NKIRAS1: variants seen among roughly 807,000 people sequenced by gnomAD.
NKIRAS1 encodes the protein NFKB inhibitor interacting Ras like 1.
A neutral mutation model predicts 19.8 loss-of-function variants in NKIRAS1; 16 were observed. The observed-to-expected ratio is 0.81, with a 90% confidence interval of 0.55 to 1.23. NKIRAS1 has a LOEUF of 1.23. NKIRAS1 is among the 50% of genes most tolerant of loss of function. The pLI is 0.00. For synonymous variants in NKIRAS1, 88 were observed against 79.0 expected (o/e 1.11, Z -0.61); for missense variants, 184 against 220.0 (o/e 0.84, Z 1.04).
chr3:23,897,476 A>G (rs575594044), intron 4 of NKIRAS1, among the ~76,000 whole-genome samples: 2 of 152,314 alleles, frequency 1.3e-5, no homozygotes, highest in East Asian at 1.9e-4. Flanking sequence ...AATAAATGCA[A>G]CTTAAGCCAT....
chr3:23,932,058 G>A (rs1705327822), intron 1 of NKIRAS1, among the ~76,000 whole-genome samples: 1 of 152,194 alleles, frequency 6.6e-6, no homozygotes, highest in Non-Finnish European at 1.5e-5. Flanking sequence ...AGAAAGGAGT[G>A]TGGCTTGAAG....
intron 1 of NKIRAS1, among the ~76,000 whole-genome samples, chr3:23,931,787 G>A (rs1705322305): frequency 6.6e-6 from 1 of 152,146 alleles, no homozygotes; most frequent in African/African-American, 2.4e-5. Context: ...AAAGGGTCAT[G>A]AGACCCAAAT....
At chr3:23,918,403 C>T (rs1448662546), upstream of NKIRAS1, 4 of 1,604,434 alleles carry the variant, frequency 2.5e-6, no homozygotes, top group African/African-American at 5.4e-5. Context: ...TTACGGCTTC[C>T]TATAAAATCA....
At chr3:23,940,472 A>T (rs916580169) in intron 1 of NKIRAS1, among the ~76,000 whole-genome samples, 3 of 152,108 alleles carry the variant, frequency 2.0e-5, no homozygotes, top group African/African-American at 7.2e-5. Context: ...ATTGCATTGT[A>T]GTGTGTGTGC....
intron 4 of NKIRAS1, 105 bp downstream of exon 4, chr3:23,900,703 C>A: frequency 2.6e-5 from 19 of 737,596 alleles, no homozygotes; most frequent in Non-Finnish European, 3.7e-5. Flanking sequence ...TTTACAGATA[C>A]TAAGAATATA....
chr3:23,934,848 ACAGAGAAT>A (rs1559516468), intron 1 of NKIRAS1, among the ~76,000 whole-genome samples: 8 of 103,392 alleles, frequency 7.7e-5, no homozygotes, highest in African/African-American at 2.6e-4. Flanking sequence ...AAAAAAACTT[ACAGAGAAT>A]ATCAGAAGAC....
rs931208543 is a variant in NKIRAS1, at chr3:23,946,364, G to T, written c.-181C>A. 4.8e-5 allele frequency: 44 copies of T among 919,790 alleles called. No homozygotes were observed. In the Admixed American group the frequency reaches 2.7e-3, roughly 57 times the overall value. The allele number at this position is 919,790 out of a possible 1,614,324, so 57.0% of individuals were successfully genotyped here. A position where few individuals can be genotyped will look rare whatever the true frequency, so the allele number is the denominator to read the frequency against. On this transcript the variant is annotated 5_prime_UTR_variant, in exon 1 of 5. Transcript: ENST00000421515. ...AGGAAGTGCAGGACGAGGGCGTGCTGCAGGCCGGAGGAGGCGCCTCGGGGA... is the reference window on the plus strand; with the variant it reads ...AGGAAGTGCAGGACGAGGGCGTGCTTCAGGCCGGAGGAGGCGCCTCGGGGA...
chr3:23,939,496 C>T (rs1227920705), intron 1 of NKIRAS1, among the ~76,000 whole-genome samples: 2 of 152,192 alleles, frequency 1.3e-5, no homozygotes, highest in Admixed American at 1.3e-4. Flanking sequence ...GTAATCCCAG[C>T]ACTTTGGGAG....
intron 4 of NKIRAS1, among the ~76,000 whole-genome samples, chr3:23,895,339 A>C (rs1036589200): frequency 1.3e-5 from 2 of 152,072 alleles, no homozygotes; most frequent in East Asian, 3.9e-4. Flanking sequence ...ACTGCTCTCT[A>C]TGATCTCAGT....
exon 1 of NKIRAS1, chr3:23,946,478 C>T (rs1705716077): frequency 5.4e-6 from 1 of 184,358 alleles, no homozygotes; most frequent in African/African-American, 2.4e-5. Flanking sequence ...GGTAGCACCG[C>T]CCCTGTTAGG....
intron 1 of NKIRAS1, chr3:23,946,233 G>A: frequency 1.0e-6 from 1 of 985,436 alleles, no homozygotes. Flanking sequence ...TGCACCGGAC[G>A]CCGCACGCTC....
At chr3:23,933,962 T>A (rs1013616802) in intron 1 of NKIRAS1, among the ~76,000 whole-genome samples, 1 of 152,206 alleles carries the variant, frequency 6.6e-6, no homozygotes, top group African/African-American at 2.4e-5. Flanking sequence ...TTTTACAATG[T>A]GGCTAATATC....
chr3:23,900,686 T>C, intron 4 of NKIRAS1, 122 bp downstream of exon 4: 1 of 679,156 alleles, frequency 1.5e-6, no homozygotes, highest in South Asian at 2.7e-5. Context: ...AAAAAAATTG[T>C]AAAGGTTTTA....
rs999301571 is a variant in NKIRAS1 at position 23,891,838 on chromosome 3, G to A, written c.*1257C>T. On this transcript the variant is annotated 3_prime_UTR_variant, in exon 5 of 5. Coordinates refer to ENST00000425478, the MANE Select transcript of NKIRAS1 (RefSeq NM_020345.4). ...TTTAAAAATCATTATGAAAGCATTT[G>A]TCCATCTATGTAACATGCATGGGTG... 6.6e-6 allele frequency: 1 copy of A among 152,152 alleles called. No homozygotes were observed. The highest frequency in any genetic ancestry group is 6.6e-5 in the Admixed American group (1 of 15,264). 9.4% of individuals were successfully genotyped at this position (152,152 alleles called of 1,614,324 possible).
At chr3:23,910,651 C>CT (rs1194471428) in intron 3 of NKIRAS1, among the ~76,000 whole-genome samples, 160 bp downstream of exon 3, 1 of 152,110 alleles carries the variant, frequency 6.6e-6, no homozygotes, top group Non-Finnish European at 1.5e-5. Context: ...AACACTAAGA[C>CT]TTTTTTCCCT....
intron 3 of NKIRAS1, among the ~76,000 whole-genome samples, chr3:23,910,351 C>T (rs1425783777): frequency 6.6e-6 from 1 of 151,674 alleles, no homozygotes; most frequent in Admixed American, 6.6e-5. Flanking sequence ...AGACAGGTTT[C>T]ACCATGTTGG....
chr3:23,946,051 T>C, intron 1 of NKIRAS1: 3 of 964,974 alleles, frequency 3.1e-6, no homozygotes, highest in Non-Finnish European at 3.7e-6. Flanking sequence ...GCGCGCTGGC[T>C]GGGAGCGCCG....
In NKIRAS1 at chr3:23,910,838, G is replaced by T. The variant is rs764682109; in HGVS notation, c.67C>A (p.Gln23Lys). Reference sequence around the variant, plus strand: ...ATAGTATGATTTCCATAAAGGAGCTGCTCCAAAATTGCAGTTTTCCCCACA... The same window carrying T: ...ATAGTATGATTTCCATAAAGGAGCTTCTCCAAAATTGCAGTTTTCCCCACA... ...LSVGKTAILE[Q>K]LLYGNHTIGM... is the part of the protein sequence containing the mutation. The change falls in exon 3 of 5, where the codon CAG becomes AAG. Residue 23 changes from glutamine to lysine, a missense_variant. Coordinates refer to ENST00000425478, the MANE Select transcript of NKIRAS1 (RefSeq NM_020345.4). 2.5e-6 allele frequency: 4 copies of T among 1,613,774 alleles called. No individual in the cohort carries two copies. The highest frequency in any genetic ancestry group is 3.4e-6 in the Non-Finnish European group (4 of 1,179,700).
chr3:23,918,857 A>G (rs1322340892), upstream of NKIRAS1: 1 of 504,730 alleles, frequency 2.0e-6, no homozygotes, highest in Non-Finnish European at 3.5e-6. Flanking sequence ...TATATACTAA[A>G]TATTTTTAAA....
Sources: gnomAD v4.1 joint callset for allele counts (sites outside exome capture counted in the v4.1 genomes callset) on GRCh38, gnomAD v4.1.1 for gene constraint, MANE v1.5 for transcripts, NCBI Gene and HGNC (gene_info 2026-07-23, HGNC 2026-07-21) for gene names.